Variants in SLC17A1 observed in about 807,000 individuals in gnomAD.
The protein encoded by SLC17A1 is solute carrier family 17 member 1, also known as sodium-dependent phosphate transport protein 1.
A neutral mutation model predicts 53.5 loss-of-function variants in SLC17A1; 51 were observed. That is an observed-to-expected ratio of 0.95 (90% confidence interval 0.76 to 1.20). SLC17A1 has a LOEUF of 1.20. SLC17A1 is among the 50% of genes most tolerant of loss of function. SLC17A1 has a pLI of 0.00. For missense variants in SLC17A1, 538 were observed against 568.2 expected, an observed-to-expected ratio of 0.95 and a Z score of 0.54; for synonymous variants, 179 against 198.8, an observed-to-expected ratio of 0.90 and a Z score of 0.84.
At chr6:25,744,503 T>C in the SLC17A1 span, among the ~76,000 whole-genome samples, 1 of 152,208 alleles carries the variant, frequency 6.6e-6, no homozygotes, top group African/African-American at 2.4e-5. Flanking sequence ...TTTTGCAAAC[T>C]GGTTGTTAAA....
chr6:25,725,699 T>G, the SLC17A1 span, among the ~76,000 whole-genome samples: 5 of 152,096 alleles, frequency 3.3e-5, no homozygotes, highest in South Asian at 6.2e-4. Flanking sequence ...CCCGGACTCA[T>G]GAACAACCCT....
the SLC17A1 span, chr6:25,726,961 A>G: frequency 3.1e-6 from 5 of 1,614,046 alleles, no homozygotes; most frequent in Non-Finnish European, 2.5e-6. Flanking sequence ...GGCTTTAAGA[A>G]AGCTGTCGTT....
At chr6:25,778,339 G>T (rs1763111818), downstream of SLC17A1, among the ~76,000 whole-genome samples, 1 of 151,502 alleles carries the variant, frequency 6.6e-6, no homozygotes, top group Non-Finnish European at 1.5e-5. Context: ...CTTTCCTGTG[G>T]TTTTTCACTG....
chr6:25,750,776 TTG>T, the SLC17A1 span, among the ~76,000 whole-genome samples: 1 of 151,628 alleles, frequency 6.6e-6, no homozygotes, highest in Non-Finnish European at 1.5e-5. Flanking sequence ...GTTATGTCAC[TTG>T]TGTGTGTGGG....
At chr6:25,830,994 A>G (rs747009566) in intron 1 of SLC17A1, among the ~76,000 whole-genome samples, 1 of 152,214 alleles carries the variant, frequency 6.6e-6, no homozygotes, top group Non-Finnish European at 1.5e-5. Flanking sequence ...GGCAGTATGA[A>G]AAGAAAGGAA....
At chr6:25,794,703 C>A (rs551651397) in intron 12 of SLC17A1, among the ~76,000 whole-genome samples, 2 of 152,066 alleles carry the variant, frequency 1.3e-5, no homozygotes, top group Admixed American at 1.3e-4. Flanking sequence ...CCGGTACATT[C>A]GAAGGGAAGA....
chr6:25,756,110 G>A, the SLC17A1 span, among the ~76,000 whole-genome samples: 103 of 152,220 alleles, frequency 6.8e-4, no homozygotes, highest in African/African-American at 2.2e-3. Flanking sequence ...GTGCCACACA[G>A]TGGCCATAGT....
intron 3 of SLC17A1, among the ~76,000 whole-genome samples, chr6:25,824,086 A>G (rs1764656739): frequency 6.6e-6 from 1 of 152,018 alleles, no homozygotes; most frequent in African/African-American, 2.4e-5. Context: ...TACAAAAAGT[A>G]ATTCAAAATG....
downstream of SLC17A1, chr6:25,779,414 A>G: frequency 2.1e-6 from 1 of 478,390 alleles, no homozygotes; most frequent in Non-Finnish European, 3.6e-6. Context: ...TGTGTTCTCC[A>G]CTCTTCCACT....
chr6:25,781,514 C>T (rs1763268227), downstream of SLC17A1, among the ~76,000 whole-genome samples: 1 of 152,072 alleles, frequency 6.6e-6, no homozygotes, highest in Non-Finnish European at 1.5e-5. Context: ...TAAAGGAATG[C>T]CTGAGGCTGG....
chr6:25,798,636 G>T, intron 12 of SLC17A1, 147 bp downstream of exon 12: 2 of 613,614 alleles, frequency 3.3e-6, no homozygotes, highest in Non-Finnish European at 5.0e-6. Flanking sequence ...AGCCATTTCA[G>T]GATGTCTAAT....
intron 12 of SLC17A1, among the ~76,000 whole-genome samples, chr6:25,787,730 T>C (rs1763415016): frequency 6.6e-6 from 1 of 152,332 alleles, no homozygotes; most frequent in South Asian, 2.1e-4. Context: ...GAAACTACTG[T>C]GTCAGTTGGT....
the SLC17A1 span, chr6:25,726,411 G>A: frequency 6.2e-7 from 1 of 1,614,154 alleles, no homozygotes; most frequent in African/African-American, 1.3e-5. Context: ...GCTCTGCATA[G>A]TTTCCCTTAC....
chr6:25,773,673 A>C, the SLC17A1 span: 1 of 1,612,888 alleles, frequency 6.2e-7, no homozygotes, highest in Non-Finnish European at 8.5e-7. Context: ...AACCTCAGAG[A>C]TGTAAGTACA....
the SLC17A1 span, among the ~76,000 whole-genome samples, chr6:25,771,579 A>G: frequency 9.3e-5 from 1 of 10,770 alleles, no homozygotes; most frequent in Admixed American, 2.5e-3. Flanking sequence ...GTCTCAAGAG[A>G]AAAAAAAAAA....
the SLC17A1 span, among the ~76,000 whole-genome samples, chr6:25,750,660 A>AGAAAGGAGGG: frequency 6.7e-6 from 1 of 149,726 alleles, no homozygotes; most frequent in Non-Finnish European, 1.5e-5. Context: ...AGAGAGAGAG[A>AGAAAGGAGGG]AAGGAGGGAA....
At chr6:25,821,955 A>G (rs1764578323) in intron 3 of SLC17A1, among the ~76,000 whole-genome samples, 1 of 152,220 alleles carries the variant, frequency 6.6e-6, no homozygotes, top group Admixed American at 6.5e-5. Context: ...ACAAAATGGA[A>G]ATGATCAATA....
At chr6:25,769,053 C>G in the SLC17A1 span, 21 of 1,613,958 alleles carry the variant, frequency 1.3e-5, no homozygotes, top group African/African-American at 5.3e-5. Flanking sequence ...TTACACCCAA[C>G]AAATGAACTT....
the SLC17A1 span, among the ~76,000 whole-genome samples, chr6:25,756,847 G>A: frequency 6.6e-6 from 1 of 152,166 alleles, no homozygotes; most frequent in Non-Finnish European, 1.5e-5. Flanking sequence ...TGGAACACTC[G>A]AAGAGTCTGT....
Sources: gnomAD v4.1 joint callset for allele counts (sites outside exome capture counted in the v4.1 genomes callset) on GRCh38, gnomAD v4.1.1 for gene constraint, MANE v1.5 for transcripts, NCBI Gene and HGNC (gene_info 2026-07-23, HGNC 2026-07-21) for gene names.